The following CR1L variants were observed in gnomAD, a reference collection of about 807,000 sequenced individuals.
CR1L encodes complement C3b/C4b receptor 1 like.
In CR1L, 59 loss-of-function variants were observed where a neutral mutation model predicts 62.3. That is an observed-to-expected ratio of 0.95 (90% CI 0.77 to 1.18). The LOEUF (loss-of-function observed/expected upper bound fraction) is 1.18, where lower values mean the gene tolerates loss of function less well. Ranked by LOEUF, CR1L falls within the 50% of genes most tolerant of loss-of-function variation. The pLI, the probability that CR1L is intolerant of heterozygous loss-of-function variation, is 0.00. For missense variants in CR1L, 700 were observed against 702.8 expected, an observed-to-expected ratio of 1.00 and a Z score of 0.04; for synonymous variants, 279 against 248.7, an observed-to-expected ratio of 1.12 and a Z score of -1.15.
rs187080256 is a variant in CR1L at position 207,694,522 on chromosome 1, T to C, written c.633T>C (p.Asp211=). 2.4e-4 allele frequency: 393 copies of C among 1,613,464 alleles called. 2 individuals carry two copies. The African/African-American group carries it at 4.5e-3, about 18-fold the overall frequency. The change falls in exon 5 of 12, where the codon GAT becomes GAC. Residue 211 remains aspartate, a synonymous_variant. Coordinates refer to ENST00000508064, the MANE Select transcript of CR1L (RefSeq NM_175710.2). ...GEPSIYCTSK[D]DQVGIWSGPA... ...CCTCCATATACTGCACCAGCAAAGA[T>C]GATCAAGTGGGCATCTGGAGTGGCC...
intron 4 of CR1L, among the ~76,000 whole-genome samples, chr1:207,684,899 A>G (rs1663876220): frequency 6.6e-6 from 1 of 152,200 alleles, no homozygotes; most frequent in Non-Finnish European, 1.5e-5. Context: ...TTGGTATTTA[A>G]AAATGTTGTT....
intron 9 of CR1L, among the ~76,000 whole-genome samples, chr1:207,707,767 A>G (rs1259884222): frequency 7.2e-6 from 1 of 139,482 alleles, no homozygotes; most frequent in Non-Finnish European, 1.6e-5. Context: ...ACATGCCTCA[A>G]GTTAAATGGC....
In CR1L at chr1:207,697,647, G is replaced by A. The variant is rs182966795; in HGVS notation, c.1007G>A (p.Gly336Glu). ...GSTYLHCTPQ[G>E]DWSPAAPRCE... is the part of the protein sequence containing the mutation. ...ACGTATTTGCACTGCACACCCCAGGGAGACTGGAGCCCTGCAGCCCCCAGA... is the reference window on the plus strand; with the variant it reads ...ACGTATTTGCACTGCACACCCCAGGAAGACTGGAGCCCTGCAGCCCCCAGA... The change falls in exon 6 of 12, where the codon GGA becomes GAA. Residue 336 changes from glycine to glutamate, a missense_variant. Gly to Glu is a moderately conservative substitution (Grantham distance 98). Transcript: ENST00000508064. 2.3e-5 allele frequency: 37 copies of A among 1,614,018 alleles called. No homozygotes were observed. Among genetic ancestry groups the A allele is most frequent in the Admixed American group, 3.3e-5 (2 of 60,026 alleles).
chr1:207,679,622 T>A (rs981545707), intron 3 of CR1L, among the ~76,000 whole-genome samples: 1 of 152,166 alleles, frequency 6.6e-6, no homozygotes, highest in African/African-American at 2.4e-5. Flanking sequence ...AATCTCAGGT[T>A]CACACACAAA....
chr1:207,698,495 A>G (rs911376578), intron 7 of CR1L, among the ~76,000 whole-genome samples: 7 of 152,212 alleles, frequency 4.6e-5, no homozygotes, highest in African/African-American at 7.2e-5. Flanking sequence ...CAGGGTGCAC[A>G]TCTCTACACG....
intron 10 of CR1L, among the ~76,000 whole-genome samples, chr1:207,714,148 A>C (rs11118451): frequency 6.6e-6 from 1 of 152,056 alleles, no homozygotes; most frequent in East Asian, 1.9e-4. Context: ...GCTTCTCAGC[A>C]GAGAAGAGAC....
rs1433578706 is a variant in CR1L at position 207,708,370 on chromosome 1, G to C, written c.1414+107G>C. ...TCCCTCTTGGAAATGGTATCCTTCT[G>C]ATATTTGAAGAATCCAGTCATATCC... On this transcript the variant is annotated intron_variant, in intron 10 of 11. Transcript: ENST00000508064. 1.2e-5 allele frequency: 16 copies of C among 1,387,108 alleles called. 1 individual carries two copies. Among genetic ancestry groups the C allele is most frequent in the Middle Eastern group, 2.6e-4 (1 of 3,836 alleles). 85.9% of individuals were successfully genotyped at this position (1,387,108 alleles called of 1,614,324 possible).
At chr1:207,681,717 A>T (rs1160302368) in intron 3 of CR1L, among the ~76,000 whole-genome samples, 2 of 152,212 alleles carry the variant, frequency 1.3e-5, no homozygotes, top group Non-Finnish European at 2.9e-5. Flanking sequence ...AGAAAATCAA[A>T]AAGAACACTT....
At chr1:207,646,230 G>A (rs529920008) in intron 1 of CR1L, among the ~76,000 whole-genome samples, 1 of 151,960 alleles carries the variant, frequency 6.6e-6, no homozygotes, top group Non-Finnish European at 1.5e-5. Flanking sequence ...CTTTTCATTA[G>A]TTTGAGTCAT....
At chr1:207,679,946 G>T (rs1034443828) in intron 3 of CR1L, among the ~76,000 whole-genome samples, 7 of 152,204 alleles carry the variant, frequency 4.6e-5, no homozygotes, top group Non-Finnish European at 1.0e-4. Flanking sequence ...GTTGCCAGGG[G>T]TTAGGGAAGA....
chr1:207,697,656 G>T lies in CR1L; in HGVS notation c.1016G>T (p.Ser339Ile), dbSNP rs1487282089. 1 of 1,614,000 alleles carries T rather than the reference G, an allele frequency of 6.2e-7. No homozygotes were observed. The highest frequency in any genetic ancestry group is 2.2e-5 in the East Asian group (1 of 44,888). ...YLHCTPQGDW[S>I]PAAPRCEVKS... ...CACTGCACACCCCAGGGAGACTGGA[G>T]CCCTGCAGCCCCCAGATGTGAAGGT... Residue 339 changes from serine to isoleucine, a missense_variant, in exon 6 of 12, where the codon AGC becomes ATC. Physicochemically the swap from Ser to Ile is moderately radical, Grantham distance 142. Coordinates refer to ENST00000508064, the MANE Select transcript of CR1L (RefSeq NM_175710.2).
At chr1:207,645,840 G>A (rs922716390) in intron 1 of CR1L, among the ~76,000 whole-genome samples, 57 of 152,256 alleles carry the variant, frequency 3.7e-4, no homozygotes, top group African/African-American at 1.3e-3. Context: ...GCTGGCCTGG[G>A]CTGGGCTGGG....
intron 2 of CR1L, 110 bp from the exon 3 acceptor site, chr1:207,678,088 T>C: frequency 1.1e-6 from 1 of 933,990 alleles, no homozygotes; most frequent in Non-Finnish European, 1.7e-6. Context: ...TGTGGAACCA[T>C]CAGAACTGCA....
At position 207,683,014 on chromosome 1, in the gene CR1L, C is replaced by CTTTCTTTCTTTCTT. The variant is rs1571517929; in HGVS notation, c.378-846_378-845insTTTTTCTTTCTTTC. ...TTTTTTTCTTTCTTTCTTTCTTTTT[C>CTTTCTTTCTTTCTT]TTTCTTTCTTTCCTTCCTTCCTTCC... is the stretch of plus-strand genomic sequence containing the variant. On this transcript the variant is annotated intron_variant, in intron 3 of 11. Coordinates refer to ENST00000508064, the MANE Select transcript of CR1L (RefSeq NM_175710.2). 6.3e-3 allele frequency among the ~76,000 whole-genome samples: 381 copies of CTTTCTTTCTTTCTT among 60,672 alleles called. 3 individuals are homozygous for CTTTCTTTCTTTCTT. The highest frequency in any genetic ancestry group is 0.015 in the Middle Eastern group (2 of 136). 39.8% of individuals were successfully genotyped at this position (60,672 alleles called of 152,430 possible).
Position 207,652,188 on chromosome 1 carries a change from G to A in CR1L, c.97+6858G>A, listed in dbSNP as rs141233298. On this transcript the variant is annotated intron_variant, in intron 1 of 11. Coordinates refer to ENST00000508064, the MANE Select transcript of CR1L (RefSeq NM_175710.2). ...TATGGAAGAACAATCTGAGCAGAGT[G>A]CTCTATACTGTAGATGACTTCTTAG... 8.0e-3 allele frequency among the ~76,000 whole-genome samples: 1,226 copies of A among 152,312 alleles called. 7 individuals are homozygous for A. Among genetic ancestry groups the A allele is most frequent in the Middle Eastern group, 0.024 (7 of 294 alleles).
At chr1:207,666,000 A>G (rs1277509073) in intron 1 of CR1L, among the ~76,000 whole-genome samples, 1 of 152,232 alleles carries the variant, frequency 6.6e-6, no homozygotes, top group South Asian at 2.1e-4. Context: ...AGTAGAGAAT[A>G]GTTTTCTACC....
At chr1:207,674,874 T>TA (rs1462372565) in intron 1 of CR1L, among the ~76,000 whole-genome samples, 2 of 152,054 alleles carry the variant, frequency 1.3e-5, no homozygotes, top group Non-Finnish European at 2.9e-5. Flanking sequence ...GTTTTTTTTT[T>TA]TATACAGTGG....
chr1:207,716,101 T>C (rs1202222873), intron 10 of CR1L, among the ~76,000 whole-genome samples: 1 of 152,230 alleles, frequency 6.6e-6, no homozygotes, highest in Non-Finnish European at 1.5e-5. Flanking sequence ...GCTAGGACTT[T>C]CCATGTGTAG....
chr1:207,709,182 T>C (rs1664314784), intron 10 of CR1L: 1 of 175,960 alleles, frequency 5.7e-6, no homozygotes, highest in Non-Finnish European at 1.2e-5. Flanking sequence ...GGTGAGCAGA[T>C]CGCTTGAGCC....
Sources: gnomAD v4.1 joint callset for allele counts (sites outside exome capture counted in the v4.1 genomes callset) on GRCh38, gnomAD v4.1.1 for gene constraint, MANE v1.5 for transcripts, NCBI Gene and HGNC (gene_info 2026-07-23, HGNC 2026-07-21) for gene names.